The following TMEM131 variants were observed in gnomAD, a reference collection of about 807,000 sequenced individuals.
TMEM131 encodes transmembrane protein 131.
Under a neutral mutation model 211.6 loss-of-function variants are expected in TMEM131, and 66 were observed. That is an observed-to-expected ratio of 0.31 (90% CI 0.26 to 0.38). The LOEUF (loss-of-function observed/expected upper bound fraction) is 0.38. Among genes scored for constraint, TMEM131 ranks in the 10% least tolerant of loss-of-function variants. The pLI is 1.00. For synonymous variants in TMEM131, 844 were observed against 841.3 expected, an observed-to-expected ratio of 1.00 and a Z score of -0.06; for missense variants, 2,036 against 2,299.3, an observed-to-expected ratio of 0.89 and a Z score of 2.34.
chr2:97,926,590 G>A lies in TMEM131; in HGVS notation c.249+836C>T, dbSNP rs75237136. Among the ~76,000 whole-genome samples, 490 of 152,024 alleles carry A rather than the reference G, an allele frequency of 3.2e-3. 7 individuals carry two copies. The East Asian group carries it at 0.041, about 13-fold the overall frequency. ...CTTAAGTAACCAATTGATACTACTT[G>A]CCCTCAACATTTTTCTAGACCAAAA... On this transcript the variant is annotated intron_variant, in intron 2 of 40. Coordinates refer to ENST00000186436, the MANE Select transcript of TMEM131 (RefSeq NM_015348.2).
At chr2:97,896,212 G>A (rs1260257837) in intron 3 of TMEM131, among the ~76,000 whole-genome samples, 1 of 152,168 alleles carries the variant, frequency 6.6e-6, no homozygotes, top group Admixed American at 6.5e-5. Context: ...GAATTTGATT[G>A]CACTGTGATC....
At chr2:97,886,344 G>A (rs72942859) in intron 4 of TMEM131, among the ~76,000 whole-genome samples, 1,580 of 152,216 alleles carry the variant, frequency 0.01, 34 homozygotes, top group African/African-American at 0.036. Context: ...TGTGTTTGAT[G>A]TGTCCCCATG....
At chr2:97,861,130 TC>T (rs1379157113) in intron 4 of TMEM131, among the ~76,000 whole-genome samples, 3 of 152,124 alleles carry the variant, frequency 2.0e-5, no homozygotes, top group African/African-American at 7.2e-5. Flanking sequence ...TAACTTGAGT[TC>T]CCATTAGCCT....
chr2:97,988,740 TCAAAA>T (rs1285926662), intron 1 of TMEM131, among the ~76,000 whole-genome samples: 2 of 151,842 alleles, frequency 1.3e-5, no homozygotes, highest in South Asian at 2.1e-4. Flanking sequence ...CACACCACTA[TCAAAA>T]CAAAACAAAA....
At chr2:97,945,991 G>T (rs918187919) in intron 1 of TMEM131, among the ~76,000 whole-genome samples, 1 of 152,078 alleles carries the variant, frequency 6.6e-6, no homozygotes, top group East Asian at 1.9e-4. Context: ...ACATGTCTGT[G>T]ACTACAGTGG....
chr2:97,933,280 T>C (rs1677308974), intron 1 of TMEM131, among the ~76,000 whole-genome samples: 1 of 152,186 alleles, frequency 6.6e-6, no homozygotes, highest in African/African-American at 2.4e-5. Flanking sequence ...TAATGAAATA[T>C]TATTCAGCCA....
chr2:97,965,298 G>A (rs1013946289), intron 1 of TMEM131, among the ~76,000 whole-genome samples: 6 of 152,168 alleles, frequency 3.9e-5, no homozygotes, highest in South Asian at 4.2e-4. Flanking sequence ...TTTCCTCATC[G>A]CTTCGTACCC....
intron 31 of TMEM131, among the ~76,000 whole-genome samples, chr2:97,780,040 A>G (rs1354476217): frequency 6.6e-6 from 1 of 151,886 alleles, no homozygotes; most frequent in African/African-American, 2.4e-5. Context: ...AAAACAAAAC[A>G]AACAAAAAAC....
chr2:97,808,660 T>C (rs1681416439), intron 19 of TMEM131, among the ~76,000 whole-genome samples: 1 of 152,180 alleles, frequency 6.6e-6, no homozygotes, highest in Non-Finnish European at 1.5e-5. Flanking sequence ...GTGCCTGCTA[T>C]TGGGAAGAAA....
At chr2:97,791,141 G>A (rs1262110448) in intron 31 of TMEM131, among the ~76,000 whole-genome samples, 1 of 152,248 alleles carries the variant, frequency 6.6e-6, no homozygotes, top group East Asian at 1.9e-4. Context: ...GTGAAGGGAT[G>A]AAATTGCAAT....
At chr2:97,785,263 A>G (rs922768624) in intron 31 of TMEM131, among the ~76,000 whole-genome samples, 3 of 152,224 alleles carry the variant, frequency 2.0e-5, no homozygotes, top group Non-Finnish European at 2.9e-5. Context: ...TGCAAACCAC[A>G]TATCTGACAA....
Position 97,995,532 on chromosome 2 carries a change from C to G in TMEM131, c.131G>C (p.Gly44Ala). The G allele has an allele frequency of 7.4e-7, 1 of 1,355,910 alleles. No homozygotes were observed. 84.0% of individuals were successfully genotyped at this position (1,355,910 alleles called of 1,614,324 possible). The change falls in exon 1 of 41, where the codon GGC (glycine) becomes GCC (alanine). Residue 44 changes from glycine to alanine, a missense_variant. Gly to Ala is a moderately conservative substitution (Grantham distance 60). This residue lies in a region of TMEM131 where 136 missense variants were observed against 115.4 expected (regional missense o/e 1.18). Coordinates refer to ENST00000186436, the MANE Select transcript of TMEM131 (RefSeq NM_015348.2). Reference protein sequence around the residue: ...GPRSAAAGLLGALHLVMTLVV... With the variant: ...GPRSAAAGLLAALHLVMTLVV... ...GAGGGTCATCACCAGGTGCAGCGCG[C>G]CTAGGAGGCCGGCGGCCGCGCTCCG...
intron 1 of TMEM131, among the ~76,000 whole-genome samples, chr2:97,961,405 T>A (rs1191316313): frequency 2.0e-5 from 3 of 152,122 alleles, no homozygotes; most frequent in Non-Finnish European, 2.9e-5. Flanking sequence ...TAAATACTGT[T>A]TAAAGAAATT....
chr2:97,967,247 T>A lies in TMEM131; in HGVS notation c.187+28229A>T, dbSNP rs537390439. Among the ~76,000 whole-genome samples, 9 of 152,310 alleles carry A rather than the reference T, an allele frequency of 5.9e-5. No individual in the cohort carries two copies. In the South Asian group the frequency reaches 1.9e-3, roughly 32 times the overall value. On this transcript the variant is annotated intron_variant, in intron 1 of 40. Coordinates refer to ENST00000186436, the MANE Select transcript of TMEM131 (RefSeq NM_015348.2). ...CTCCTGTGGCACACACATATTAATA[T>A]GTACCTTTAATCTTACACTGTAATT... is the stretch of plus-strand genomic sequence containing the variant.
chr2:97,794,501 T>C (rs1007362554), intron 29 of TMEM131, among the ~76,000 whole-genome samples: 16 of 152,240 alleles, frequency 1.1e-4, no homozygotes, highest in African/African-American at 3.6e-4. Flanking sequence ...GATATAAATA[T>C]GTAAATTAGT....
intron 3 of TMEM131, among the ~76,000 whole-genome samples, chr2:97,902,507 A>T (rs1452993202): frequency 3.3e-5 from 5 of 152,184 alleles, no homozygotes; most frequent in African/African-American, 1.2e-4. Context: ...TAATATACAC[A>T]GATACAAGAA....
At chr2:97,883,339 G>A (rs1435740058) in intron 4 of TMEM131, among the ~76,000 whole-genome samples, 12 of 152,122 alleles carry the variant, frequency 7.9e-5, no homozygotes, top group Admixed American at 7.9e-4. Flanking sequence ...CCTTTGCTAT[G>A]CTTCAAATAA....
chr2:97,789,358 C>A (rs1267447852), intron 31 of TMEM131, among the ~76,000 whole-genome samples: 2 of 152,240 alleles, frequency 1.3e-5, no homozygotes, highest in African/African-American at 4.8e-5. Flanking sequence ...GATGCTTCTG[C>A]TGGGATGCTC....
At chr2:97,987,657 T>C (rs776695218) in intron 1 of TMEM131, among the ~76,000 whole-genome samples, 1 of 152,222 alleles carries the variant, frequency 6.6e-6, no homozygotes, top group Non-Finnish European at 1.5e-5. Flanking sequence ...CTAAAAACTA[T>C]GTATTTACAA....
Sources: gnomAD v4.1 joint callset for allele counts (sites outside exome capture counted in the v4.1 genomes callset) on GRCh38, gnomAD v4.1.1 for gene constraint, gnomAD v4.1.1 regional missense constraint, MANE v1.5 for transcripts, NCBI Gene and HGNC (gene_info 2026-07-23, HGNC 2026-07-21) for gene names.